CHM: variants seen among roughly 807,000 people sequenced by gnomAD.
The protein encoded by CHM is rab proteins geranylgeranyltransferase component A 1.
CHM carries 10 observed loss-of-function variants against 49.0 expected under a neutral mutation model. The observed-to-expected ratio is 0.20, with a 90% confidence interval of 0.13 to 0.35. The LOEUF (loss-of-function observed/expected upper bound fraction) is 0.35, where lower values mean the gene tolerates loss of function less well. Ranked by LOEUF, CHM falls within the 10% of genes least tolerant of loss-of-function variation. The probability of loss-of-function intolerance (pLI) is 1.00; values close to 1 mark genes in which losing one functional copy is unlikely to be tolerated. For synonymous variants in CHM, 184 were observed against 167.5 expected (o/e 1.10, Z -0.76); for missense variants, 455 against 478.4 (o/e 0.95, Z 0.46).
intron 14 of CHM, among the ~76,000 whole-genome samples, chrX:85,871,985 T>C (rs1425097685): frequency 8.9e-6 from 1 of 111,960 alleles, no homozygotes; most frequent in Non-Finnish European, 1.9e-5. Flanking sequence ...ACAGAAGGAA[T>C]GATGGATGAG....
At chrX:85,965,418 C>T (rs1320349179) in intron 4 of CHM, among the ~76,000 whole-genome samples, 3 of 111,318 alleles carry the variant, frequency 2.7e-5, no homozygotes, top group African/African-American at 6.5e-5. Context: ...CCAGTATATC[C>T]TTTATCTTCC....
intron 1 of CHM, among the ~76,000 whole-genome samples, chrX:86,045,464 G>A (rs1190674799): frequency 9.1e-6 from 1 of 110,182 alleles, no homozygotes; most frequent in Non-Finnish European, 1.9e-5. Context: ...AACCTAGAAT[G>A]TGTCACCAAT....
At chrX:85,885,775 G>T (rs1316045675) in intron 12 of CHM, among the ~76,000 whole-genome samples, 1 of 110,783 alleles carries the variant, frequency 9.0e-6, no homozygotes, top group East Asian at 2.8e-4. Flanking sequence ...TTTAGGGCAA[G>T]GGAAGGCACT....
chrX:85,960,167 A>G (rs1020005503), intron 5 of CHM, among the ~76,000 whole-genome samples: 7 of 111,452 alleles, frequency 6.3e-5, no homozygotes, highest in African/African-American at 2.3e-4. Flanking sequence ...TTCAAAAATC[A>G]CTTGTTTAAA....
At chrX:85,892,272 G>A (rs1274167654) in intron 12 of CHM, among the ~76,000 whole-genome samples, 1 of 109,267 alleles carries the variant, frequency 9.2e-6, no homozygotes, top group Non-Finnish European at 1.9e-5. Flanking sequence ...GTGAGGACAT[G>A]AGATTTGGAG....
At chrX:85,969,109 A>C (rs1930737942) in intron 4 of CHM, 2 of 694,703 alleles carry the variant, frequency 2.9e-6, no homozygotes, top group Non-Finnish European at 3.4e-6. Context: ...ATTGCAAAAA[A>C]ATCTTTATTT....
At position 85,956,162 on chromosome X, in the gene CHM, C is replaced by G; in HGVS notation, c.1157G>C (p.Cys386Ser). 1.7e-6 allele frequency: 2 copies of G among 1,208,748 alleles called. No individual in the cohort carries two copies. Among genetic ancestry groups the G allele is most frequent in the Non-Finnish European group, 2.2e-6 (2 of 893,068 alleles). The change falls in exon 8 of 15, where the codon TGT becomes TCT. Residue 386 changes from cysteine (C) to serine (S), a missense_variant. Cys to Ser is a moderately radical substitution (Grantham distance 112). Transcript: ENST00000357749. ...PLYGQGELPQ[C>S]FCRMCAVFGG... ...TCAATGGCAAACTTACCTGCAGAAACACTGGGGGAGTTCTCCTTGGCCATA... is the reference window on the plus strand; with the variant it reads ...TCAATGGCAAACTTACCTGCAGAAAGACTGGGGGAGTTCTCCTTGGCCATA...
At chrX:85,932,334 T>C (rs1177845396) in intron 8 of CHM, among the ~76,000 whole-genome samples, 1 of 112,495 alleles carries the variant, frequency 8.9e-6, no homozygotes, top group East Asian at 2.8e-4. Context: ...CAATTGGCTG[T>C]GAATATTAAC....
chrX:86,003,350 T>A (rs1000590296), intron 2 of CHM, among the ~76,000 whole-genome samples: 1 of 111,975 alleles, frequency 8.9e-6, no homozygotes, highest in Non-Finnish European at 1.9e-5. Context: ...CAGTGCCTCT[T>A]CTCCTCCAAA....
intron 8 of CHM, among the ~76,000 whole-genome samples, chrX:85,932,516 G>C (rs1284414410): frequency 8.9e-6 from 1 of 112,062 alleles, no homozygotes; most frequent in African/African-American, 3.2e-5. Context: ...CACTGGACAT[G>C]AGTAGTGCAG....
At chrX:85,941,591 A>T (rs1929113401) in intron 8 of CHM, among the ~76,000 whole-genome samples, 1 of 111,687 alleles carries the variant, frequency 9.0e-6, no homozygotes. Context: ...GGAAAAAAAG[A>T]CTATTCAACT....
intron 4 of CHM, 37 bp downstream of exon 4, chrX:85,978,730 A>T (rs767937650): frequency 4.3e-6 from 5 of 1,167,994 alleles, no homozygotes; most frequent in Non-Finnish European, 5.8e-6. Context: ...TGAAAAAGTC[A>T]TTAATTTAGT....
chrX:86,044,845 C>T (rs1934594454), intron 1 of CHM, among the ~76,000 whole-genome samples: 1 of 111,643 alleles, frequency 9.0e-6, no homozygotes, highest in African/African-American at 3.3e-5. Flanking sequence ...TTCCGCAATT[C>T]CACTTTAGCT....
chrX:86,008,937 C>A (rs1331069272), intron 2 of CHM, among the ~76,000 whole-genome samples: 3 of 112,263 alleles, frequency 2.7e-5, no homozygotes, highest in Non-Finnish European at 5.6e-5. Context: ...AAGAAAATAT[C>A]AAGTAGCATT....
chrX:86,043,959 C>A (rs1451039031), intron 1 of CHM, among the ~76,000 whole-genome samples: 3 of 111,676 alleles, frequency 2.7e-5, no homozygotes, highest in Non-Finnish European at 1.9e-5. Context: ...ATTAAGCTAA[C>A]CTACTCTGCA....
At position 85,950,973 on chromosome X, in the gene CHM, G is replaced by A. The variant is rs1260119773; in HGVS notation, c.1166+5180C>T. 3.6e-5 allele frequency among the ~76,000 whole-genome samples: 4 copies of A among 111,411 alleles called. No individual in the cohort carries two copies. The East Asian group carries it at 1.1e-3, about 31-fold the overall frequency. ...GCAAAAATGGAACACAAATGACAATGGAATAAAATTTTAAAGTATTAACAA... is the reference window on the plus strand; with the variant it reads ...GCAAAAATGGAACACAAATGACAATAGAATAAAATTTTAAAGTATTAACAA... On this transcript the variant is annotated intron_variant, in intron 8 of 14. Transcript: ENST00000357749.
rs1923499098 is a variant in CHM at position 85,863,528 on chromosome X, T to C, written c.*1102A>G. ...TATTTCAAAACCACAATTCTACTTG[T>C]TACTATTTTTACTGGTCTGTAAGAC... On this transcript the variant is annotated 3_prime_UTR_variant, in exon 15 of 15. Coordinates refer to ENST00000357749, the MANE Select transcript of CHM (RefSeq NM_000390.4). The C allele has an allele frequency of 8.9e-6, 1 of 112,132 alleles. No individual in the cohort carries two copies. The highest frequency in any genetic ancestry group is 3.7e-4 in the South Asian group (1 of 2,724). 9.2% of individuals were successfully genotyped at this position (112,132 alleles called of 1,213,427 possible). A position where few individuals can be genotyped will look rare whatever the true frequency, so the allele number is the denominator to read the frequency against.
intron 8 of CHM, among the ~76,000 whole-genome samples, chrX:85,913,332 A>AAAAAAAAAAG (rs762266365): frequency 4.3e-5 from 1 of 23,419 alleles, no homozygotes; most frequent in Non-Finnish European, 8.1e-5. Flanking sequence ...AAAAAAAAAA[A>AAAAAAAAAAG]AAAGAAAGAA....
At chrX:86,007,039 A>G (rs1932873765) in intron 2 of CHM, among the ~76,000 whole-genome samples, 1 of 112,023 alleles carries the variant, frequency 8.9e-6, no homozygotes, top group Non-Finnish European at 1.9e-5. Context: ...CCAAAACAGC[A>G]TGGCACTGGT....
Sources: allele counts gnomAD v4.1 joint callset (sites outside exome capture counted in the v4.1 genomes callset), GRCh38; gene constraint gnomAD v4.1.1; transcripts MANE v1.5; gene names NCBI Gene and HGNC (gene_info 2026-07-23, HGNC 2026-07-21).